Variants in ST6GALNAC3 observed in about 807,000 individuals in gnomAD.
ST6GALNAC3 encodes the protein alpha-N-acetylgalactosaminide alpha-2,6-sialyltransferase 3.
Under a neutral mutation model 32.7 loss-of-function variants are expected in ST6GALNAC3, and 25 were observed. The ratio of observed to expected loss-of-function variants is 0.76; its 90% CI spans 0.56 to 1.07. The LOEUF is 1.07. ST6GALNAC3 is among the 50% of genes least tolerant of loss of function. The pLI is 0.00. For missense variants in ST6GALNAC3, 355 were observed against 382.4 expected, an observed-to-expected ratio of 0.93 and a Z score of 0.60; for synonymous variants, 129 against 133.1, an observed-to-expected ratio of 0.97 and a Z score of 0.21.
intron 4 of ST6GALNAC3, among the ~76,000 whole-genome samples, chr1:76,628,054 T>C (rs1452480168): frequency 6.6e-6 from 1 of 151,982 alleles, no homozygotes; most frequent in Non-Finnish European, 1.5e-5. Context: ...AAAATGAGTG[T>C]GTTTACCCAC....
At chr1:76,375,350 G>C (rs1245451935) in intron 2 of ST6GALNAC3, among the ~76,000 whole-genome samples, 2 of 152,112 alleles carry the variant, frequency 1.3e-5, no homozygotes, top group South Asian at 4.1e-4. Flanking sequence ...AGAAGAGAAG[G>C]TGTTCTAGGT....
intron 1 of ST6GALNAC3, among the ~76,000 whole-genome samples, chr1:76,113,511 GTTTAT>G (rs2100814054): frequency 6.6e-6 from 1 of 151,522 alleles, no homozygotes; most frequent in East Asian, 1.9e-4. Flanking sequence ...CTTTTTTTTG[GTTTAT>G]TTTGTTTTTC....
At chr1:76,168,641 T>C (rs1652279752) in intron 1 of ST6GALNAC3, among the ~76,000 whole-genome samples, 2 of 152,228 alleles carry the variant, frequency 1.3e-5, no homozygotes, top group Admixed American at 1.3e-4. Context: ...TTTACGAATC[T>C]GAGTGTTCCT....
At chr1:76,553,274 G>T (rs1262405944) in intron 3 of ST6GALNAC3, among the ~76,000 whole-genome samples, 1 of 152,118 alleles carries the variant, frequency 6.6e-6, no homozygotes, top group African/African-American at 2.4e-5. Context: ...TGTAAAACGT[G>T]TATAATAGTA....
chr1:76,284,099 T>C (rs561717769), intron 1 of ST6GALNAC3, among the ~76,000 whole-genome samples: 1 of 152,342 alleles, frequency 6.6e-6, no homozygotes, highest in East Asian at 1.9e-4. Context: ...AATTTATGCT[T>C]TAAAGTATTA....
chr1:76,531,513 T>A (rs1386001622), intron 3 of ST6GALNAC3, among the ~76,000 whole-genome samples: 2 of 152,122 alleles, frequency 1.3e-5, no homozygotes, highest in Non-Finnish European at 1.5e-5. Context: ...CCACGTCAGT[T>A]TTCTGATGTA....
intron 3 of ST6GALNAC3, among the ~76,000 whole-genome samples, chr1:76,433,482 G>A (rs953804695): frequency 6.6e-6 from 1 of 152,080 alleles, no homozygotes; most frequent in Non-Finnish European, 1.5e-5. Flanking sequence ...GTTTCATGGT[G>A]CATATGTACA....
chr1:76,304,342 C>T (rs1557769302), intron 1 of ST6GALNAC3, among the ~76,000 whole-genome samples: 1 of 152,002 alleles, frequency 6.6e-6, no homozygotes, highest in Non-Finnish European at 1.5e-5. Context: ...CTTTCTCCCT[C>T]CACTCTCCCT....
At chr1:76,412,527 G>A in intron 3 of ST6GALNAC3, 110 bp downstream of exon 3, 6 of 1,184,878 alleles carry the variant, frequency 5.1e-6, no homozygotes, top group Non-Finnish European at 6.9e-6. Context: ...TACGCTGATT[G>A]TTATATGTTT....
chr1:76,116,265 C>T (rs937971167), intron 1 of ST6GALNAC3, among the ~76,000 whole-genome samples: 21 of 152,190 alleles, frequency 1.4e-4, no homozygotes, highest in South Asian at 4.2e-4. Context: ...ATGCCCAGAC[C>T]ATGAAGTCTC....
chr1:76,396,944 T>C (rs1045204090), intron 2 of ST6GALNAC3, among the ~76,000 whole-genome samples: 2 of 152,204 alleles, frequency 1.3e-5, no homozygotes, highest in African/African-American at 4.8e-5. Context: ...AGCTAATTAC[T>C]ATGCTTTACA....
intron 1 of ST6GALNAC3, among the ~76,000 whole-genome samples, chr1:76,206,271 C>T (rs1289146360): frequency 6.6e-6 from 1 of 152,118 alleles, no homozygotes; most frequent in Non-Finnish European, 1.5e-5. Context: ...CCTGTGAGAG[C>T]TGAGGGTTTG....
intron 1 of ST6GALNAC3, among the ~76,000 whole-genome samples, chr1:76,213,167 G>A (rs1291563712): frequency 6.6e-6 from 1 of 152,142 alleles, no homozygotes; most frequent in Non-Finnish European, 1.5e-5. Flanking sequence ...TTGTTGGGTA[G>A]GGCCATGGGG....
chr1:76,503,111 G>A (rs1326431261), intron 3 of ST6GALNAC3, among the ~76,000 whole-genome samples: 1 of 152,130 alleles, frequency 6.6e-6, no homozygotes, highest in Non-Finnish European at 1.5e-5. Context: ...AATCAATGAA[G>A]CCATGAAAAG....
chr1:76,111,994 C>T (rs1647991501), intron 1 of ST6GALNAC3, among the ~76,000 whole-genome samples: 2 of 151,910 alleles, frequency 1.3e-5, no homozygotes, highest in Admixed American at 6.5e-5. Flanking sequence ...AGAGGGGCTC[C>T]TCACTTCCCA....
At chr1:76,167,955 C>T (rs1278603380) in intron 1 of ST6GALNAC3, among the ~76,000 whole-genome samples, 1 of 151,380 alleles carries the variant, frequency 6.6e-6, no homozygotes, top group African/African-American at 2.4e-5. Context: ...ATTCATTGGT[C>T]TTTTGAATGA....
At chr1:76,227,104 A>T (rs1460201794) in intron 1 of ST6GALNAC3, among the ~76,000 whole-genome samples, 2 of 152,186 alleles carry the variant, frequency 1.3e-5, no homozygotes, top group Admixed American at 1.3e-4. Flanking sequence ...GTAATTGCCA[A>T]TTGATGGTAC....
chr1:76,546,009 A>G (rs1041053231), intron 3 of ST6GALNAC3, among the ~76,000 whole-genome samples: 3 of 152,198 alleles, frequency 2.0e-5, no homozygotes, highest in Non-Finnish European at 4.4e-5. Flanking sequence ...TGAGCATCCC[A>G]GGTGTACATT....
chr1:76,627,392 T>C, intron 3 of ST6GALNAC3, 60 bp from the exon 4 acceptor site: 2 of 1,101,788 alleles, frequency 1.8e-6, no homozygotes, highest in Non-Finnish European at 1.4e-6. Flanking sequence ...CACCTTATTG[T>C]TCTGTGTGTG....
Sources: gnomAD v4.1 joint callset for allele counts (sites outside exome capture counted in the v4.1 genomes callset) on GRCh38, gnomAD v4.1.1 for gene constraint, MANE v1.5 for transcripts, NCBI Gene and HGNC (gene_info 2026-07-23, HGNC 2026-07-21) for gene names.